NLGN3: variants seen among roughly 807,000 people sequenced by gnomAD.
The protein encoded by NLGN3 is neuroligin 3, also known as neuroligin-3.
A neutral mutation model predicts 42.9 loss-of-function variants in NLGN3; 11 were observed. The ratio of observed to expected loss-of-function variants is 0.26; its 90% confidence interval spans 0.16 to 0.42. The LOEUF is 0.42. NLGN3 is among the 10% of genes least tolerant of loss of function. The pLI, the probability that NLGN3 is intolerant of heterozygous loss-of-function variation, is 1.00. For synonymous variants in NLGN3, 279 were observed against 312.7 expected, an observed-to-expected ratio of 0.89 and a Z score of 1.14; for missense variants, 374 against 733.8, an observed-to-expected ratio of 0.51 and a Z score of 5.67.
intron 5 of NLGN3, among the ~76,000 whole-genome samples, 198 bp from the exon 6 acceptor site, chrX:71,163,945 G>A (rs748186724): frequency 8.9e-6 from 1 of 112,873 alleles, no homozygotes; most frequent in East Asian, 2.8e-4. Context: ...ACAGGTGGGA[G>A]GCAGGGAGCT....
chrX:71,149,171 G>A (rs1293169617), intron 3 of NLGN3, among the ~76,000 whole-genome samples: 1 of 111,311 alleles, frequency 9.0e-6, no homozygotes, highest in Non-Finnish European at 1.9e-5. Context: ...GCCAAAGGCA[G>A]AGCCAGTGGC....
chrX:71,159,276 G>A (rs1482819722), intron 5 of NLGN3, among the ~76,000 whole-genome samples: 2 of 109,663 alleles, frequency 1.8e-5, no homozygotes, highest in South Asian at 3.9e-4. Flanking sequence ...AGCCAAGATC[G>A]TGCCACTGCA....
chrX:71,154,499 A>T (rs1287690965), intron 4 of NLGN3, among the ~76,000 whole-genome samples: 3 of 112,293 alleles, frequency 2.7e-5, no homozygotes, highest in Admixed American at 9.3e-5. Flanking sequence ...GCCTCTGGGG[A>T]GGCTCCATCT....
chrX:71,164,976 G>A (rs754270997), intron 6 of NLGN3, among the ~76,000 whole-genome samples: 14 of 111,098 alleles, frequency 1.3e-4, no homozygotes, highest in African/African-American at 4.2e-4. Flanking sequence ...CTTTTTGCTC[G>A]GCAGGAAATG....
At chrX:71,152,887 A>G (rs1197269786) in intron 3 of NLGN3, among the ~76,000 whole-genome samples, 1 of 111,507 alleles carries the variant, frequency 9.0e-6, no homozygotes, top group Non-Finnish European at 1.9e-5. Flanking sequence ...AAGGAAGACC[A>G]GAGGGAAAGC....
chrX:71,165,148 G>T (rs2092442859), intron 6 of NLGN3, among the ~76,000 whole-genome samples: 1 of 111,537 alleles, frequency 9.0e-6, no homozygotes, highest in Non-Finnish European at 1.9e-5. Context: ...CTAACCCCCT[G>T]AGTTAGGGAC....
intron 5 of NLGN3, among the ~76,000 whole-genome samples, chrX:71,160,891 T>C (rs779141140): frequency 1.3e-4 from 15 of 112,160 alleles, no homozygotes; most frequent in African/African-American, 3.9e-4. Flanking sequence ...CAGTATAAAC[T>C]TGGGCCCAGG....
At chrX:71,171,795 T>C (rs945958912), downstream of NLGN3, 2 of 245,190 alleles carry the variant, frequency 8.2e-6, no homozygotes, top group African/African-American at 6.1e-5. Flanking sequence ...TTCTACAGGA[T>C]TGTGATCAGT....
At position 71,169,767 on chromosome X, in the gene NLGN3, G is replaced by A. The variant is rs1481018030; in HGVS notation, c.2217G>A (p.Glu739=). 1 of 1,211,331 alleles carries A rather than the reference G, an allele frequency of 8.3e-7. No individual in the cohort carries two copies. The highest frequency in any genetic ancestry group is 3.0e-5 in the East Asian group (1 of 33,848). The change falls in exon 8 of 8, where the codon GAG becomes GAA. Residue 739 remains glutamate, a synonymous_variant. Coordinates refer to ENST00000358741, the MANE Select transcript of NLGN3 (RefSeq NM_181303.2). ...LYYRKDKRRQ[E]PLRQPSPQRG... The stretch of plus-strand genomic sequence containing the variant: ...ACCGTAAGGACAAACGGCGCCAGGA[G>A]CCCCTGCGGCAGCCTAGCCCTCAGC...
rs794727647 is a variant in NLGN3 at position 71,155,219 on chromosome X, C to T, written c.583C>T (p.Arg195Trp). Residue 195 changes from arginine (R) to tryptophan (W), a missense_variant, in exon 5 of 8, where the codon CGG becomes TGG. Arg to Trp is a moderately radical substitution (Grantham distance 101, BLOSUM62 -3). Transcript: ENST00000358741. ...DNDGDEDEDI[R>W]DSGAKPVMVY... ...CTCACCCCTTCTCCTTGCAGACATC[C>T]GGGACAGTGGTGCTAAACCCGTCAT... 1.7e-5 allele frequency: 20 copies of T among 1,211,780 alleles called. No individual in the cohort carries two copies. Among genetic ancestry groups the T allele is most frequent in the Non-Finnish European group, 2.1e-5 (19 of 895,377 alleles).
rs1362351167 is a variant in NLGN3, at chrX:71,170,288, AAC to A, written c.*195_*196del. The A allele has an allele frequency of 9.9e-6, 11 of 1,112,915 alleles. No homozygotes were observed. The highest frequency in any genetic ancestry group is 1.3e-5 in the Non-Finnish European group (11 of 849,549). 91.7% of individuals were successfully genotyped at this position (1,112,915 alleles called of 1,213,427 possible). A position where few individuals can be genotyped will look rare whatever the true frequency, so the allele number is the denominator to read the frequency against. On this transcript the variant is annotated 3_prime_UTR_variant, in exon 8 of 8. Coordinates refer to ENST00000358741, the MANE Select transcript of NLGN3 (RefSeq NM_181303.2). ...GTGGACATGCACCCGCATGTACAAA[AAC>A]ACAAATACGGAAGTAAACCTGAACA...
rs771016603 is a variant in NLGN3 at position 71,169,458 on chromosome X, C to T, written c.1908C>T (p.Asp636=). ...TGCCCCACCTATACAACCTGCATGA[C>T]ATGTTCCACTATACGTCCACCACCA... ...HLVPHLYNLH[D]MFHYTSTTTK... The change falls in exon 8 of 8, where the codon GAC becomes GAT. Residue 636 remains aspartate (D), a synonymous_variant. Coordinates refer to ENST00000358741, the MANE Select transcript of NLGN3 (RefSeq NM_181303.2). The T allele has an allele frequency of 8.3e-7, 1 of 1,211,579 alleles. No individual in the cohort carries two copies. The highest frequency in any genetic ancestry group is 1.1e-6 in the Non-Finnish European group (1 of 895,315).
chrX:71,161,192 G>A (rs1426835966), intron 5 of NLGN3, among the ~76,000 whole-genome samples: 2 of 102,664 alleles, frequency 1.9e-5, no homozygotes, highest in Non-Finnish European at 3.9e-5. Context: ...TCGGCTCACC[G>A]CAACCTCCGC....
intron 5 of NLGN3, among the ~76,000 whole-genome samples, chrX:71,161,585 C>T (rs1453794511): frequency 9.2e-6 from 1 of 108,856 alleles, no homozygotes; most frequent in African/African-American, 3.3e-5. Flanking sequence ...ACCAGCCTGG[C>T]CAACATGGCG....
chrX:71,146,124 TTC>T (rs751338166), intron 1 of NLGN3, among the ~76,000 whole-genome samples: 658 of 48,984 alleles, frequency 0.013, 12 homozygotes, highest in African/African-American at 0.019. Context: ...TTCCTTTTTC[TTC>T]TCTCTCTCTC....
At chrX:71,152,603 G>A (rs1000186539) in intron 3 of NLGN3, among the ~76,000 whole-genome samples, 2 of 111,788 alleles carry the variant, frequency 1.8e-5, no homozygotes, top group African/African-American at 6.5e-5. Flanking sequence ...ATCTCACTGG[G>A]GTGTAAGGAT....
intron 5 of NLGN3, among the ~76,000 whole-genome samples, chrX:71,163,218 G>T (rs1035019158): frequency 9.0e-6 from 1 of 110,978 alleles, no homozygotes; most frequent in African/African-American, 3.3e-5. Context: ...AAATTCCAGT[G>T]GGGGGGCGGG....
At chrX:71,156,781 C>G in intron 5 of NLGN3, among the ~76,000 whole-genome samples, 1 of 111,348 alleles carries the variant, frequency 9.0e-6, no homozygotes, top group Admixed American at 9.6e-5. Context: ...CCATCACACA[C>G]ATACTCCCAT....
At chrX:71,148,276 G>A in intron 2 of NLGN3, 70 bp downstream of exon 2, 1 of 870,285 alleles carries the variant, frequency 1.1e-6, no homozygotes. Flanking sequence ...TGGCTTGCAT[G>A]TGGTTGTGTG....
Sources: gnomAD v4.1 joint callset for allele counts (sites outside exome capture counted in the v4.1 genomes callset) on GRCh38, gnomAD v4.1.1 for gene constraint, MANE v1.5 for transcripts, NCBI Gene and HGNC (gene_info 2026-07-23, HGNC 2026-07-21) for gene names.